The following EYS variants were observed in gnomAD, a reference collection of about 807,000 sequenced individuals.
EYS encodes the protein protein eyes shut homolog.
EYS carries 250 observed loss-of-function variants against 282.1 expected under a neutral mutation model. That is an observed-to-expected ratio of 0.89 (90% CI 0.80 to 0.98). EYS has a LOEUF of 0.98. EYS is among the 50% of genes least tolerant of loss of function. The pLI, the probability that EYS is intolerant of heterozygous loss-of-function variation, is 0.00. For synonymous variants in EYS, 1,355 were observed against 1,282.9 expected, an observed-to-expected ratio of 1.06 and a Z score of -1.20; for missense variants, 4,016 against 3,709.0, an observed-to-expected ratio of 1.08 and a Z score of -2.15.
chr6:64,536,840 A>G (rs1764532068), intron 26 of EYS, among the ~76,000 whole-genome samples: 1 of 151,324 alleles, frequency 6.6e-6, no homozygotes, highest in Non-Finnish European at 1.5e-5. Flanking sequence ...CTTTACATAC[A>G]TAAAAATATC....
At chr6:63,873,338 T>G (rs878954878) in intron 35 of EYS, among the ~76,000 whole-genome samples, 3 of 152,206 alleles carry the variant, frequency 2.0e-5, no homozygotes. Flanking sequence ...GAACTCATCC[T>G]TTTTTATGGC....
rs1766473290 is a variant in EYS at position 64,593,403 on chromosome 6, A to G, written c.3685-94T>C. The G allele has an allele frequency of 8.8e-6, 8 of 905,578 alleles. 1 individual carries two copies. In the East Asian group the frequency reaches 1.1e-4, roughly 13 times the overall value. The allele number at this position is 905,578 out of a possible 1,614,324, so 56.1% of individuals were successfully genotyped here. A position where few individuals can be genotyped will look rare whatever the true frequency, so the allele number is the denominator to read the frequency against. On this transcript the variant is annotated intron_variant, in intron 24 of 42. Transcript: ENST00000503581. The stretch of plus-strand genomic sequence containing the variant: ...TGTTTTGAGATCCATTTGCATTTCC[A>G]TAGACATATTGGATAGCTCAAATAA...
intron 26 of EYS, among the ~76,000 whole-genome samples, chr6:64,541,854 G>A (rs1271655592): frequency 6.6e-6 from 1 of 151,004 alleles, no homozygotes; most frequent in Non-Finnish European, 1.5e-5. Flanking sequence ...TAGTTATAAA[G>A]TTTTACATAT....
intron 31 of EYS, among the ~76,000 whole-genome samples, chr6:64,126,827 T>A (rs917132360): frequency 1.3e-5 from 2 of 151,666 alleles, no homozygotes; most frequent in African/African-American, 4.8e-5. Flanking sequence ...ACACATATAT[T>A]TAAATACATA....
chr6:64,948,707 G>A (rs1769383599), intron 14 of EYS, among the ~76,000 whole-genome samples: 1 of 150,510 alleles, frequency 6.6e-6, no homozygotes, highest in African/African-American at 2.4e-5. Context: ...TGATGGAAAA[G>A]GAAAGTATTA....
At chr6:64,596,527 A>G (rs12664301) in intron 24 of EYS, among the ~76,000 whole-genome samples, 14,964 of 152,230 alleles carry the variant, frequency 0.098, 913 homozygotes, top group East Asian at 0.16. Flanking sequence ...ACATAGACCA[A>G]TGGAACAGAA....
At chr6:64,878,442 G>A (rs1027789785) in intron 19 of EYS, among the ~76,000 whole-genome samples, 4 of 152,118 alleles carry the variant, frequency 2.6e-5, no homozygotes, top group Admixed American at 6.6e-5. Flanking sequence ...AACTTCAATA[G>A]AGAAAGGATT....
chr6:65,670,667 A>T (rs1768363139), intron 1 of EYS, among the ~76,000 whole-genome samples: 1 of 152,026 alleles, frequency 6.6e-6, no homozygotes, highest in South Asian at 2.1e-4. Context: ...AAACAATCAG[A>T]CCTTATTTCA....
chr6:64,471,579 T>C (rs1776122390), intron 26 of EYS, among the ~76,000 whole-genome samples: 1 of 151,920 alleles, frequency 6.6e-6, no homozygotes, highest in Non-Finnish European at 1.5e-5. Context: ...TGAAATAAAT[T>C]GAAGGGGCCA....
In EYS at chr6:64,989,000, A is replaced by C. The variant is rs1211167865; in HGVS notation, c.2259+8582T>G. 4.0e-5 allele frequency among the ~76,000 whole-genome samples: 6 copies of C among 151,614 alleles called. No individual in the cohort carries two copies. The East Asian group carries it at 1.2e-3, about 29-fold the overall frequency. ...AGGTGCACCATAGTTAAATCATTAT[A>C]ATCATAATAAAACATGGTATATATC... On this transcript the variant is annotated intron_variant, in intron 14 of 42. Coordinates refer to ENST00000503581, the MANE Select transcript of EYS (RefSeq NM_001142800.2).
intron 41 of EYS, among the ~76,000 whole-genome samples, chr6:63,748,405 A>G (rs1298678578): frequency 6.6e-6 from 1 of 152,008 alleles, no homozygotes; most frequent in African/African-American, 2.4e-5. Flanking sequence ...TTTTTTGAGG[A>G]TTTTTGCATC....
intron 5 of EYS, among the ~76,000 whole-genome samples, chr6:65,414,003 G>C (rs1197950105): frequency 6.6e-6 from 1 of 152,028 alleles, no homozygotes; most frequent in African/African-American, 2.4e-5. Context: ...CTCTACTTGG[G>C]CAGGTAATTC....
chr6:64,364,126 C>T (rs1415899729), intron 29 of EYS, among the ~76,000 whole-genome samples: 2 of 151,736 alleles, frequency 1.3e-5, no homozygotes, highest in African/African-American at 4.8e-5. Flanking sequence ...AGGCTTTTTC[C>T]TGTTTCCTTT....
intron 36 of EYS, among the ~76,000 whole-genome samples, chr6:63,848,197 T>C (rs572092740): frequency 6.6e-6 from 1 of 152,234 alleles, no homozygotes; most frequent in East Asian, 1.9e-4. Flanking sequence ...ATGAGATTGC[T>C]GTATTAGCTG....
intron 11 of EYS, among the ~76,000 whole-genome samples, chr6:65,327,005 C>A (rs1769640483): frequency 6.6e-6 from 1 of 151,564 alleles, no homozygotes; most frequent in African/African-American, 2.4e-5. Flanking sequence ...TGTGTTTCTT[C>A]CTATCCAATT....
intron 19 of EYS, among the ~76,000 whole-genome samples, chr6:64,847,411 A>T (rs1765749851): frequency 6.6e-6 from 1 of 152,110 alleles, no homozygotes; most frequent in Admixed American, 6.6e-5. Flanking sequence ...CACTTAAATG[A>T]CTATAATGGT....
At chr6:63,983,601 T>A (rs1019070102) in intron 35 of EYS, among the ~76,000 whole-genome samples, 3 of 151,848 alleles carry the variant, frequency 2.0e-5, no homozygotes, top group East Asian at 1.9e-4. Context: ...GCTTTCCCCA[T>A]GAAAATACTG....
intron 22 of EYS, among the ~76,000 whole-genome samples, chr6:64,629,430 G>A (rs1767711329): frequency 6.6e-6 from 1 of 152,032 alleles, no homozygotes; most frequent in South Asian, 2.1e-4. Context: ...GGAATTTTGA[G>A]TGAAATGGCT....
At chr6:65,033,882 C>T (rs1772684017) in intron 13 of EYS, among the ~76,000 whole-genome samples, 1 of 152,182 alleles carries the variant, frequency 6.6e-6, no homozygotes, top group African/African-American at 2.4e-5. Context: ...ACAGCTTGCA[C>T]CCTGTGCCTG....
Sources: gnomAD v4.1 joint callset for allele counts (sites outside exome capture counted in the v4.1 genomes callset) on GRCh38, gnomAD v4.1.1 for gene constraint, MANE v1.5 for transcripts, NCBI Gene and HGNC (gene_info 2026-07-23, HGNC 2026-07-21) for gene names.